The following NFIA variants were observed in gnomAD, a reference collection of about 807,000 sequenced individuals.
NFIA encodes the protein nuclear factor 1 A-type.
A neutral mutation model predicts 62.8 loss-of-function variants in NFIA; 8 were observed. The ratio of observed to expected loss-of-function variants is 0.13; its 90% CI spans 0.07 to 0.23. NFIA has a LOEUF of 0.23. Among genes scored for constraint, NFIA ranks in the 10% least tolerant of loss-of-function variants. The probability of loss-of-function intolerance (pLI) is 1.00; values close to 1 mark genes in which losing one functional copy is unlikely to be tolerated. For synonymous variants in NFIA, 235 were observed against 238.1 expected, an observed-to-expected ratio of 0.99 and a Z score of 0.12; for missense variants, 410 against 642.1, an observed-to-expected ratio of 0.64 and a Z score of 3.91.
intron 2 of NFIA, among the ~76,000 whole-genome samples, chr1:61,208,817 T>G (rs1356938454): frequency 6.6e-6 from 1 of 152,206 alleles, no homozygotes; most frequent in South Asian, 2.1e-4. Context: ...CTTTAAACTT[T>G]TAATAAACAT....
intron 2 of NFIA, among the ~76,000 whole-genome samples, chr1:61,187,617 C>T (rs1327509000): frequency 6.6e-6 from 1 of 152,222 alleles, no homozygotes; most frequent in East Asian, 1.9e-4. Flanking sequence ...AGACTCAGTA[C>T]CACAGACTGG....
At chr1:61,134,836 T>C (rs1189716253) in intron 2 of NFIA, among the ~76,000 whole-genome samples, 1 of 152,130 alleles carries the variant, frequency 6.6e-6, no homozygotes, top group African/African-American at 2.4e-5. Flanking sequence ...TTATCATAAA[T>C]AAAAACAAAT....
intron 3 of NFIA, among the ~76,000 whole-genome samples, chr1:61,298,083 A>G (rs1019634560): frequency 6.6e-5 from 10 of 152,104 alleles, no homozygotes; most frequent in African/African-American, 2.2e-4. Context: ...TAATCCCCAC[A>G]TGTCGAGGGA....
chr1:61,433,097 A>G (rs553308408), intron 10 of NFIA, among the ~76,000 whole-genome samples: 1 of 152,302 alleles, frequency 6.6e-6, no homozygotes, highest in South Asian at 2.1e-4. Context: ...TTTTCTCTTT[A>G]AAAGAGTCTA....
chr1:61,435,327 C>T (rs1667277679), intron 10 of NFIA, among the ~76,000 whole-genome samples: 1 of 152,096 alleles, frequency 6.6e-6, no homozygotes, highest in African/African-American at 2.4e-5. Flanking sequence ...TAGAAGAAAC[C>T]CCAATTAAGT....
upstream of NFIA, chr1:61,077,457 T>A: frequency 2.0e-6 from 1 of 497,438 alleles, no homozygotes; most frequent in Non-Finnish European, 3.3e-6. Flanking sequence ...AAAAAAAAAA[T>A]TCTCCAAGAA....
At chr1:61,426,594 T>G (rs1433480247) in intron 10 of NFIA, 38 bp downstream of exon 10, 1 of 1,450,278 alleles carries the variant, frequency 6.9e-7, no homozygotes, top group South Asian at 1.2e-5. Context: ...TGGTGCAGCT[T>G]GTATTATTCA....
chr1:61,349,592 G>C (rs1211037171), intron 4 of NFIA, among the ~76,000 whole-genome samples: 2 of 151,566 alleles, frequency 1.3e-5, no homozygotes, highest in Non-Finnish European at 2.9e-5. Context: ...ATTTTTATTC[G>C]AGATGGGTTC....
chr1:61,193,276 TAAG>T (rs1222855094), intron 2 of NFIA, among the ~76,000 whole-genome samples: 1 of 152,236 alleles, frequency 6.6e-6, no homozygotes, highest in Non-Finnish European at 1.5e-5. Flanking sequence ...AAAAGCATAA[TAAG>T]AGAAGAAGCT....
At chr1:61,356,423 T>C (rs1014470106) in intron 5 of NFIA, among the ~76,000 whole-genome samples, 3 of 152,184 alleles carry the variant, frequency 2.0e-5, no homozygotes, top group African/African-American at 7.2e-5. Flanking sequence ...AGAAACCATG[T>C]GGAAAAAAAT....
At chr1:61,274,120 G>C (rs1397636393) in intron 2 of NFIA, among the ~76,000 whole-genome samples, 1 of 152,180 alleles carries the variant, frequency 6.6e-6, no homozygotes, top group African/African-American at 2.4e-5. Context: ...CCTTTCCCTA[G>C]TGATTACGTT....
chr1:61,207,747 A>T (rs1043773478), intron 2 of NFIA, among the ~76,000 whole-genome samples: 1 of 152,222 alleles, frequency 6.6e-6, no homozygotes, highest in Non-Finnish European at 1.5e-5. Context: ...TGCCATTTCC[A>T]TCACTGTTTC....
At chr1:61,363,724 T>G (rs1210410729) in intron 6 of NFIA, among the ~76,000 whole-genome samples, 1 of 152,140 alleles carries the variant, frequency 6.6e-6, no homozygotes, top group Non-Finnish European at 1.5e-5. Flanking sequence ...AAATATAGAT[T>G]ATTAAATATA....
At chr1:61,405,723 T>A (rs1306160864) in intron 8 of NFIA, among the ~76,000 whole-genome samples, 1 of 152,174 alleles carries the variant, frequency 6.6e-6, no homozygotes, top group African/African-American at 2.4e-5. Flanking sequence ...TGATCAGAAT[T>A]TTATAGGACT....
At chr1:61,141,220 C>T (rs754238814) in intron 2 of NFIA, among the ~76,000 whole-genome samples, 1 of 152,030 alleles carries the variant, frequency 6.6e-6, no homozygotes, top group Non-Finnish European at 1.5e-5. Context: ...GGAGTTAAGT[C>T]CTTCTCTAGA....
chr1:61,226,826 G>C (rs1377370558), intron 2 of NFIA, among the ~76,000 whole-genome samples: 1 of 152,174 alleles, frequency 6.6e-6, no homozygotes, highest in African/African-American at 2.4e-5. Flanking sequence ...CAGGTTGCCA[G>C]TTGTTTGCCA....
chr1:61,433,034 T>G (rs796421356), intron 10 of NFIA, among the ~76,000 whole-genome samples: 7 of 152,334 alleles, frequency 4.6e-5, no homozygotes, highest in African/African-American at 1.4e-4. Flanking sequence ...CTTCTGTTTT[T>G]CACAAATACT....
intron 2 of NFIA, among the ~76,000 whole-genome samples, chr1:61,115,693 G>A (rs763999304): frequency 2.6e-5 from 4 of 152,304 alleles, no homozygotes; most frequent in Admixed American, 6.5e-5. Flanking sequence ...GCTTTACCTC[G>A]TGCTGACCCT....
chr1:61,244,506 G>A (rs770619726), intron 2 of NFIA, among the ~76,000 whole-genome samples: 1 of 152,084 alleles, frequency 6.6e-6, no homozygotes, highest in Admixed American at 6.6e-5. Context: ...AAGGGCTAGG[G>A]GTTTAGCTGT....
Sources: allele counts gnomAD v4.1 joint callset (sites outside exome capture counted in the v4.1 genomes callset), GRCh38; gene constraint gnomAD v4.1.1; transcripts MANE v1.5; gene names NCBI Gene and HGNC (gene_info 2026-07-23, HGNC 2026-07-21).